The following TOX variants were observed in gnomAD, a reference collection of about 807,000 sequenced individuals.
The protein encoded by TOX is thymocyte selection-associated high mobility group box protein TOX.
Under a neutral mutation model 53.7 loss-of-function variants are expected in TOX, and 11 were observed. That is an observed-to-expected ratio of 0.20 (90% CI 0.13 to 0.34). The LOEUF is 0.34. Among genes scored for constraint, TOX ranks in the 10% least tolerant of loss-of-function variants. The pLI is 1.00. For missense variants in TOX, 570 were observed against 664.6 expected (o/e 0.86, Z 1.56); for synonymous variants, 225 against 245.3 (o/e 0.92, Z 0.77).
intron 7 of TOX, chr8:58,814,323 T>C (rs1585839112): frequency 6.6e-6 from 1 of 152,146 alleles, no homozygotes; most frequent in Admixed American, 6.5e-5. Context: ...TGGAGAACAA[T>C]AGAGTAATTG....
At chr8:58,833,470 A>G (rs1051580392) in intron 5 of TOX, among the ~76,000 whole-genome samples, 14 of 152,184 alleles carry the variant, frequency 9.2e-5, no homozygotes, top group Non-Finnish European at 2.1e-4. Flanking sequence ...AGAATCAGAG[A>G]GTTCAGAAAT....
intron 1 of TOX, among the ~76,000 whole-genome samples, chr8:59,115,691 A>G (rs1285164131): frequency 1.3e-5 from 2 of 152,172 alleles, no homozygotes; most frequent in Admixed American, 6.5e-5. Context: ...TGTCCAGTCT[A>G]TGAGCTACAC....
intron 1 of TOX, among the ~76,000 whole-genome samples, chr8:59,090,061 CCTAA>C (rs1804584408): frequency 6.6e-6 from 1 of 152,166 alleles, no homozygotes; most frequent in African/African-American, 2.4e-5. Flanking sequence ...CCATTTGTTT[CCTAA>C]CTGTGTTCTA....
At chr8:59,043,494 C>T (rs1220840230) in intron 1 of TOX, among the ~76,000 whole-genome samples, 1 of 152,034 alleles carries the variant, frequency 6.6e-6, no homozygotes, top group Non-Finnish European at 1.5e-5. Context: ...AACAGACTGA[C>T]TCTATATAAT....
intron 1 of TOX, among the ~76,000 whole-genome samples, chr8:59,001,310 T>G (rs1813684611): frequency 6.6e-6 from 1 of 152,204 alleles, no homozygotes; most frequent in Non-Finnish European, 1.5e-5. Context: ...TCTTCTAATT[T>G]TCTCCCAATA....
At chr8:58,871,272 T>C (rs1346929667) in intron 3 of TOX, among the ~76,000 whole-genome samples, 4 of 151,780 alleles carry the variant, frequency 2.6e-5, no homozygotes, top group East Asian at 1.9e-4. Flanking sequence ...TGGTTGAATA[T>C]AGAAAGCAAA....
chr8:59,060,454 C>T (rs1395378498), intron 1 of TOX, among the ~76,000 whole-genome samples: 1 of 152,102 alleles, frequency 6.6e-6, no homozygotes, highest in Non-Finnish European at 1.5e-5. Context: ...GGTGAAACCC[C>T]GTCTCTACTA....
chr8:59,055,918 T>C (rs1015841194), intron 1 of TOX, among the ~76,000 whole-genome samples: 16 of 152,104 alleles, frequency 1.1e-4, no homozygotes, highest in African/African-American at 2.9e-4. Flanking sequence ...TCTCAGGATA[T>C]AGAACATTGA....
chr8:58,811,553 T>C (rs1810076150), intron 7 of TOX, among the ~76,000 whole-genome samples: 1 of 152,190 alleles, frequency 6.6e-6, no homozygotes, highest in African/African-American at 2.4e-5. Context: ...TCTGGAGAGG[T>C]ATTTTCAACA....
At chr8:58,982,213 G>C (rs1813218494) in intron 1 of TOX, among the ~76,000 whole-genome samples, 1 of 152,028 alleles carries the variant, frequency 6.6e-6, no homozygotes, top group Non-Finnish European at 1.5e-5. Context: ...CTTCCCACTT[G>C]GATCTCTCAG....
intron 1 of TOX, among the ~76,000 whole-genome samples, chr8:59,081,967 A>G (rs1804416459): frequency 6.6e-6 from 1 of 152,216 alleles, no homozygotes; most frequent in African/African-American, 2.4e-5. Flanking sequence ...GTACTTATAA[A>G]GGGGAAAAAT....
At chr8:58,901,100 A>C (rs1811728409) in intron 3 of TOX, among the ~76,000 whole-genome samples, 1 of 152,156 alleles carries the variant, frequency 6.6e-6, no homozygotes, top group South Asian at 2.1e-4. Flanking sequence ...CTTCCTTCAA[A>C]AATCAACATA....
At chr8:58,907,344 G>C (rs964696378) in intron 3 of TOX, among the ~76,000 whole-genome samples, 1 of 151,958 alleles carries the variant, frequency 6.6e-6, no homozygotes, top group Non-Finnish European at 1.5e-5. Context: ...GCCCATTCTG[G>C]GAGTTAAAAA....
intron 1 of TOX, among the ~76,000 whole-genome samples, chr8:59,116,005 C>T (rs1441296481): frequency 6.6e-6 from 1 of 151,938 alleles, no homozygotes; most frequent in Middle Eastern, 3.2e-3. Flanking sequence ...CAGAGTAAAA[C>T]AATCACATTT....
intron 3 of TOX, among the ~76,000 whole-genome samples, chr8:58,855,666 T>C (rs1585862514): frequency 1.3e-5 from 2 of 152,212 alleles, no homozygotes; most frequent in East Asian, 1.9e-4. Flanking sequence ...TTAATCTTCA[T>C]GAGCCATGGG....
chr8:58,838,071 A>T lies in TOX; in HGVS notation c.924+10T>A, dbSNP rs1417327504. On this transcript the variant is annotated intron_variant, in intron 5 of 8. Transcript: ENST00000361421. ...TTATGTAGATTCCCATTCCACTGGG[A>T]ATCCCTTACCTGTTTTTGCTCTTCT... is the stretch of plus-strand genomic sequence containing the variant. 1.9e-6 allele frequency: 3 copies of T among 1,612,226 alleles called. No homozygotes were observed. Among genetic ancestry groups the T allele is most frequent in the Non-Finnish European group, 2.5e-6 (3 of 1,178,534 alleles).
intron 1 of TOX, among the ~76,000 whole-genome samples, chr8:59,040,415 C>T (rs909256381): frequency 4.0e-5 from 6 of 151,876 alleles, no homozygotes; most frequent in Non-Finnish European, 4.4e-5. Flanking sequence ...AGACCATCAG[C>T]AGCAACTATT....
chr8:58,832,513 G>T (rs1810479040), intron 5 of TOX, among the ~76,000 whole-genome samples: 1 of 152,072 alleles, frequency 6.6e-6, no homozygotes, highest in Non-Finnish European at 1.5e-5. Flanking sequence ...AGATAAAGGG[G>T]AAAAAGAAAC....
chr8:59,068,696 A>G (rs923376084), intron 1 of TOX, among the ~76,000 whole-genome samples: 4 of 152,158 alleles, frequency 2.6e-5, no homozygotes, highest in Non-Finnish European at 4.4e-5. Context: ...GCACAGGCAA[A>G]TGAGGTAACT....
Sources: gnomAD v4.1 joint callset for allele counts (sites outside exome capture counted in the v4.1 genomes callset) on GRCh38, gnomAD v4.1.1 for gene constraint, MANE v1.5 for transcripts, NCBI Gene and HGNC (gene_info 2026-07-23, HGNC 2026-07-21) for gene names.